Variants in NAXD observed in about 807,000 individuals in gnomAD.
NAXD encodes NAD(P)HX dehydratase, also known as ATP-dependent (S)-NAD(P)H-hydrate dehydratase.
NAXD carries 22 observed loss-of-function variants against 35.8 expected under a neutral mutation model. That is an observed-to-expected ratio of 0.62 (90% confidence interval 0.44 to 0.88). The LOEUF is 0.88. Among genes scored for constraint, NAXD ranks in the 40% least tolerant of loss-of-function variants. NAXD has a pLI of 0.00. For missense variants in NAXD, 428 were observed against 437.7 expected (o/e 0.98, Z 0.20); for synonymous variants, 189 against 177.6 (o/e 1.06, Z -0.51).
In NAXD at chr13:110,638,895, TGCC is replaced by T. The variant is rs1488143875; in HGVS notation, c.*369_*371del. On this transcript the variant is annotated 3_prime_UTR_variant, in exon 10 of 10. Transcript: ENST00000680254. This position sits in a 1 kb window ranked among gnomAD's most constrained non-coding sequence, Gnocchi z 5.4. Reference sequence around the variant, plus strand: ...CGAAGTTTCTACTTGTTACTCTCTCTGCCGGCGCCCTTCGTTCCTCCTCTGCTT... The same window carrying T: ...CGAAGTTTCTACTTGTTACTCTCTCTGGCGCCCTTCGTTCCTCCTCTGCTT... 2.7e-6 allele frequency: 1 copy of T among 375,850 alleles called. No individual in the cohort carries two copies. The highest frequency in any genetic ancestry group is 2.4e-5 in the African/African-American group (1 of 42,454). 23.3% of individuals were successfully genotyped at this position (375,850 alleles called of 1,614,324 possible).
chr13:110,626,564 G>T (rs1179387116), intron 4 of NAXD, among the ~76,000 whole-genome samples: 2 of 135,846 alleles, frequency 1.5e-5, no homozygotes, highest in Non-Finnish European at 3.2e-5. Context: ...GGGGGCTGGG[G>T]TTGGGGGCAG....
chr13:110,637,460 C>A (rs1462453991), intron 9 of NAXD, among the ~76,000 whole-genome samples: 1 of 152,030 alleles, frequency 6.6e-6, no homozygotes, highest in Non-Finnish European at 1.5e-5. Context: ...GTGGATGGGG[C>A]CTGGGGCAGG....
At chr13:110,637,689 C>CA in intron 9 of NAXD, 1 of 451,728 alleles carries the variant, frequency 2.2e-6, no homozygotes, top group South Asian at 1.6e-5. Context: ...GTTCTGTAGT[C>CA]AGAGAACTTT....
chr13:110,638,313 G>C lies in NAXD; in HGVS notation c.840-65G>C, dbSNP rs1442028490. On this transcript the variant is annotated intron_variant, in intron 9 of 9. Transcript: ENST00000680254. This position sits in a 1 kb window ranked among gnomAD's most constrained non-coding sequence, Gnocchi z 5.4. ...ACAGGAGTCAAAACCAGAGCCCAGG[G>C]TAGCTGCGGCCCCCGGACCACGACG... 1.9e-6 allele frequency: 3 copies of C among 1,612,086 alleles called. No individual in the cohort carries two copies. Among genetic ancestry groups the C allele is most frequent in the Non-Finnish European group, 2.5e-6 (3 of 1,179,170 alleles).
intron 1 of NAXD, chr13:110,616,044 C>T (rs1886039676): frequency 5.4e-6 from 2 of 373,054 alleles, no homozygotes; most frequent in Admixed American, 4.7e-5. Context: ...GAACGGGGGG[C>T]CGAGGGCCGA....
chr13:110,616,902 G>GTTT (rs1886080859), intron 1 of NAXD, among the ~76,000 whole-genome samples: 1 of 152,188 alleles, frequency 6.6e-6, no homozygotes, highest in African/African-American at 2.4e-5. Flanking sequence ...TTGGCTTTTT[G>GTTT]TTTTCATCAG....
chr13:110,619,035 A>G (rs557050621), intron 1 of NAXD, among the ~76,000 whole-genome samples: 12 of 152,310 alleles, frequency 7.9e-5, no homozygotes. Context: ...GTGCTGGGCG[A>G]CACTGGTTGC....
chr13:110,633,776 AAAACCTTTG>A (rs1886814265), intron 5 of NAXD, among the ~76,000 whole-genome samples: 1 of 152,108 alleles, frequency 6.6e-6, no homozygotes, highest in Non-Finnish European at 1.5e-5. Context: ...TTTTTAATAG[AAAACCTTTG>A]AAACCTTCAC....
intron 8 of NAXD, among the ~76,000 whole-genome samples, 163 bp downstream of exon 8, chr13:110,635,751 T>C (rs1484161898): frequency 2.0e-5 from 3 of 151,882 alleles, no homozygotes; most frequent in Admixed American, 1.3e-4. Flanking sequence ...TCAGAGTCCA[T>C]GTTTTGACTT....
Position 110,637,195 on chromosome 13 carries a change from C to T in NAXD, c.785C>T (p.Ser262Phe), listed in dbSNP as rs1163607795. 1.9e-6 allele frequency: 3 copies of T among 1,613,928 alleles called. No homozygotes were observed. Among genetic ancestry groups the T allele is most frequent in the Non-Finnish European group, 2.5e-6 (3 of 1,179,976 alleles). ...CGGQGDLLSG[S>F]LGVLVHWALL... ...GGGCAAGGGGACCTCCTGTCGGGCT[C>T]CCTGGGCGTCCTGGTACACTGGGCG... The change falls in exon 9 of 10, where the codon TCC (serine) becomes TTC (phenylalanine). Residue 262 changes from serine (S) to phenylalanine (F), a missense_variant. Physicochemically the swap from Ser to Phe is radical, Grantham distance 155. Around this residue, in one of 3 missense-constraint regions of NAXD, gnomAD observed 209 missense variants for 214.6 expected, o/e 0.97. Coordinates refer to ENST00000680254, the MANE Select transcript of NAXD (RefSeq NM_001242882.2).
chr13:110,626,438 A>C (rs1886486212), intron 4 of NAXD, among the ~76,000 whole-genome samples: 1 of 151,994 alleles, frequency 6.6e-6, no homozygotes, highest in South Asian at 2.1e-4. Flanking sequence ...TTTGGCTGCC[A>C]GTTAGACATC....
chr13:110,628,398 T>C lies in NAXD; in HGVS notation c.441+851T>C, dbSNP rs1415176929. Reference sequence around the variant, plus strand: ...TGCATGGGGATCAGAGGCCGGGCATTAGTGAGGGACTACGCTTGAAGCCCT... The same window carrying C: ...TGCATGGGGATCAGAGGCCGGGCATCAGTGAGGGACTACGCTTGAAGCCCT... On this transcript the variant is annotated intron_variant, in intron 5 of 9. Transcript: ENST00000680254. This position sits in a 1 kb window ranked among gnomAD's most constrained non-coding sequence, Gnocchi z 4.1. Among the ~76,000 whole-genome samples the C allele has an allele frequency of 6.6e-6, 1 of 152,142 alleles. No homozygotes were observed. Among genetic ancestry groups the C allele is most frequent in the Non-Finnish European group, 1.5e-5 (1 of 68,024 alleles).
rs1467354060 is a variant in NAXD at position 110,622,272 on chromosome 13, A to G, written c.103A>G (p.Thr35Ala). Residue 35 changes from threonine (T) to alanine (A), a missense_variant, in exon 2 of 10, where the codon ACT becomes GCT. Thr to Ala is a moderately conservative substitution (Grantham distance 58, BLOSUM62 0). Transcript: ENST00000680254. ...ACATTCGATAAAGGATATGGAAAAT[A>G]CTTTGCAGCTGGTGAGAAATATCAT... ...KAHSIKDMEN[T>A]LQLVRNIIPP... 1.9e-6 allele frequency: 3 copies of G among 1,613,980 alleles called. No individual in the cohort carries two copies. Among genetic ancestry groups the G allele is most frequent in the Non-Finnish European group, 1.7e-6 (2 of 1,179,944 alleles).
chr13:110,634,412 A>G, intron 5 of NAXD, 133 bp from the exon 6 acceptor site: 1 of 858,928 alleles, frequency 1.2e-6, no homozygotes, highest in South Asian at 1.5e-5. Flanking sequence ...GGACACTGCC[A>G]CATCACCTTT....
chr13:110,638,220 G>A lies in NAXD; in HGVS notation c.840-158G>A. 2 of 1,537,964 alleles carry A rather than the reference G, an allele frequency of 1.3e-6. No homozygotes were observed. Among genetic ancestry groups the A allele is most frequent in the Non-Finnish European group, 1.7e-6 (2 of 1,143,194 alleles). On this transcript the variant is annotated intron_variant, in intron 9 of 9. Transcript: ENST00000680254. This position sits in a 1 kb window ranked among gnomAD's most constrained non-coding sequence, Gnocchi z 5.4. ...GAGGGTTAATGGTGGTTTTCGCTGT[G>A]ATAAACCTGCTTTCTCCTCAGGGGC...
chr13:110,617,150 G>A (rs1017321512), intron 1 of NAXD, among the ~76,000 whole-genome samples: 12 of 152,290 alleles, frequency 7.9e-5, no homozygotes, highest in South Asian at 4.1e-4. Context: ...GAGGCTTTAG[G>A]AAATATTTCA....
chr13:110,620,677 A>G (rs2766502), intron 1 of NAXD, among the ~76,000 whole-genome samples: 1 of 152,238 alleles, frequency 6.6e-6, no homozygotes, highest in South Asian at 2.1e-4. Flanking sequence ...AGGCAGTTAC[A>G]TCTACTCATA....
intron 1 of NAXD, among the ~76,000 whole-genome samples, chr13:110,619,716 G>T (rs533748615): frequency 1.3e-5 from 2 of 152,124 alleles, no homozygotes; most frequent in Admixed American, 1.3e-4. Context: ...TGCTGACTGG[G>T]TAGAAGCCGG....
At chr13:110,633,938 C>T (rs185060028) in intron 5 of NAXD, among the ~76,000 whole-genome samples, 8 of 152,158 alleles carry the variant, frequency 5.3e-5, no homozygotes, top group Non-Finnish European at 7.3e-5. Flanking sequence ...CCGAATGCTG[C>T]GTATTAGTAT....
Sources: gnomAD v4.1 joint callset for allele counts (sites outside exome capture counted in the v4.1 genomes callset) on GRCh38, gnomAD v4.1.1 for gene constraint, gnomAD v4.1.1 regional missense constraint, Gnocchi (gnomAD v3.1) non-coding constraint, MANE v1.5 for transcripts, NCBI Gene and HGNC (gene_info 2026-07-23, HGNC 2026-07-21) for gene names.